Variants in NCKAP5 observed in about 807,000 individuals in gnomAD.
NCKAP5 encodes NCK associated protein 5, also known as nck-associated protein 5.
A neutral mutation model predicts 167.0 loss-of-function variants in NCKAP5; 92 were observed. That is an observed-to-expected ratio of 0.55 (90% CI 0.47 to 0.66). The LOEUF (loss-of-function observed/expected upper bound fraction) is 0.66. NCKAP5 is among the 30% of genes least tolerant of loss of function. The pLI, the probability that NCKAP5 is intolerant of heterozygous loss-of-function variation, is 0.00. For synonymous variants in NCKAP5, 891 were observed against 877.4 expected (o/e 1.02, Z -0.27); for missense variants, 2,378 against 2,315.0 (o/e 1.03, Z -0.56).
intron 5 of NCKAP5, among the ~76,000 whole-genome samples, chr2:133,202,737 A>AC (rs1347162406): frequency 6.6e-6 from 1 of 152,242 alleles, no homozygotes; most frequent in Admixed American, 6.5e-5. Context: ...AAGGAGATCA[A>AC]CAAACACTTC....
intron 16 of NCKAP5, among the ~76,000 whole-genome samples, chr2:132,742,100 A>G (rs1679250405): frequency 2.0e-5 from 3 of 152,070 alleles, no homozygotes. Flanking sequence ...ACTCATGCCC[A>G]TAGGTTCACT....
intron 19 of NCKAP5, among the ~76,000 whole-genome samples, chr2:132,680,981 A>G (rs1685149284): frequency 6.6e-6 from 1 of 152,158 alleles, no homozygotes; most frequent in East Asian, 1.9e-4. Context: ...AATGCTTCCG[A>G]TTTGATGAGT....
intron 3 of NCKAP5, among the ~76,000 whole-genome samples, chr2:133,417,628 A>T (rs998309235): frequency 1.3e-5 from 2 of 152,168 alleles, no homozygotes; most frequent in Admixed American, 6.5e-5. Flanking sequence ...AGCTTTTGAC[A>T]AGATGGAGCT....
At chr2:132,694,760 T>A (rs1687145190) in intron 19 of NCKAP5, among the ~76,000 whole-genome samples, 1 of 152,216 alleles carries the variant, frequency 6.6e-6, no homozygotes, top group Non-Finnish European at 1.5e-5. Flanking sequence ...TTTCCTAAAA[T>A]GAAGTAAAAT....
In NCKAP5 at chr2:132,860,402, C is replaced by T. The variant is rs77169198; in HGVS notation, c.807+90G>A. On this transcript the variant is annotated intron_variant, in intron 11 of 19. Transcript: ENST00000409261. ...TGGGATTCTGATGCAATATGCCTTG[C>T]TCATGAAGATGTTGCTAACTTCTGA... 1,091 of 1,397,450 alleles carry T rather than the reference C, an allele frequency of 7.8e-4. 3 individuals are homozygous for T. Among genetic ancestry groups the T allele is most frequent in the Middle Eastern group, 6.7e-3 (37 of 5,516 alleles). 86.6% of individuals were successfully genotyped at this position (1,397,450 alleles called of 1,614,324 possible). A position where few individuals can be genotyped will look rare whatever the true frequency, so the allele number is the denominator to read the frequency against.
intron 6 of NCKAP5, among the ~76,000 whole-genome samples, chr2:133,081,789 G>C (rs1307214671): frequency 6.6e-6 from 1 of 152,108 alleles, no homozygotes; most frequent in Non-Finnish European, 1.5e-5. Flanking sequence ...CCTTTTCCAA[G>C]CATAGCTCCT....
chr2:132,757,769 G>A (rs768580784), intron 16 of NCKAP5, among the ~76,000 whole-genome samples: 1 of 152,192 alleles, frequency 6.6e-6, no homozygotes, highest in Non-Finnish European at 1.5e-5. Context: ...GGCAGATAAG[G>A]AAACAGCTTG....
the NCKAP5 span, among the ~76,000 whole-genome samples, chr2:133,637,479 A>AG: frequency 8.4e-6 from 1 of 119,548 alleles, no homozygotes; most frequent in Non-Finnish European, 1.8e-5. Flanking sequence ...TATTTTCCAA[A>AG]AAAAAAAAAA....
chr2:132,698,769 G>C (rs1425376914), intron 19 of NCKAP5, among the ~76,000 whole-genome samples: 8 of 152,086 alleles, frequency 5.3e-5, no homozygotes, highest in African/African-American at 1.9e-4. Context: ...GGGAGGCAAG[G>C]GTTGCAGTGA....
intron 5 of NCKAP5, among the ~76,000 whole-genome samples, chr2:133,145,329 G>A (rs746109521): frequency 6.6e-5 from 10 of 151,814 alleles, no homozygotes; most frequent in Admixed American, 4.6e-4. Flanking sequence ...ATCACATACC[G>A]GGGCCTGTCG....
the NCKAP5 span, among the ~76,000 whole-genome samples, chr2:133,582,444 C>A: frequency 3.3e-5 from 5 of 152,312 alleles, no homozygotes; most frequent in East Asian, 7.7e-4. Context: ...CAGCGTAATT[C>A]ACTCCTCCTT....
rs139309175 is a variant in NCKAP5 at position 132,865,774 on chromosome 2, T to C, written c.687+3162A>G. ...GGGTTTACAGTGCAACAGCCATAAT[T>C]AAAGCAAGGGCTCTGCCACTGCCTG... On this transcript the variant is annotated intron_variant, in intron 10 of 19. Coordinates refer to ENST00000409261, the MANE Select transcript of NCKAP5 (RefSeq NM_207363.3). Among the ~76,000 whole-genome samples, 941 of 152,274 alleles carry C rather than the reference T, an allele frequency of 6.2e-3. 10 individuals are homozygous for C. The highest frequency in any genetic ancestry group is 0.021 in the African/African-American group (888 of 41,550).
intron 7 of NCKAP5, among the ~76,000 whole-genome samples, chr2:132,986,420 C>T (rs375220708): frequency 2.6e-5 from 4 of 152,104 alleles, no homozygotes; most frequent in East Asian, 1.9e-4. Context: ...AGTACCAGCC[C>T]GCATCACTTG....
chr2:133,078,874 C>T (rs2080706403), intron 6 of NCKAP5, among the ~76,000 whole-genome samples: 1 of 152,044 alleles, frequency 6.6e-6, no homozygotes, highest in African/African-American at 2.4e-5. Flanking sequence ...GATAAATACC[C>T]AGTGCTCATG....
intron 1 of NCKAP5, among the ~76,000 whole-genome samples, chr2:133,560,571 C>A (rs1356704120): frequency 6.6e-6 from 1 of 152,040 alleles, no homozygotes; most frequent in African/African-American, 2.4e-5. Flanking sequence ...AGAACCTTCC[C>A]CAGAAGGAGA....
chr2:133,004,199 C>T (rs1480675150), intron 6 of NCKAP5, among the ~76,000 whole-genome samples: 1 of 152,180 alleles, frequency 6.6e-6, no homozygotes, highest in Non-Finnish European at 1.5e-5. Flanking sequence ...CTGGCTTTTA[C>T]TTGCCTGGTT....
At chr2:133,096,712 G>A (rs527770804) in intron 6 of NCKAP5, among the ~76,000 whole-genome samples, 134 of 152,152 alleles carry the variant, frequency 8.8e-4, no homozygotes, top group African/African-American at 3.0e-3. Context: ...CCTAGGTGGT[G>A]GAAGTAAAAC....
chr2:132,754,705 A>G (rs1476443659), intron 16 of NCKAP5, among the ~76,000 whole-genome samples: 1 of 152,238 alleles, frequency 6.6e-6, no homozygotes, highest in Non-Finnish European at 1.5e-5. Flanking sequence ...TAATTTGGGA[A>G]CTACTAAGGC....
intron 6 of NCKAP5, among the ~76,000 whole-genome samples, chr2:133,074,468 C>A (rs2149567915): frequency 6.6e-6 from 1 of 152,222 alleles, no homozygotes; most frequent in African/African-American, 2.4e-5. Context: ...TCAAATGATC[C>A]TCCCACCTCA....
Sources: allele counts gnomAD v4.1 joint callset (sites outside exome capture counted in the v4.1 genomes callset), GRCh38; gene constraint gnomAD v4.1.1; transcripts MANE v1.5; gene names NCBI Gene and HGNC (gene_info 2026-07-23, HGNC 2026-07-21).